Variants in ADAMTS2 observed in about 807,000 individuals in gnomAD.
ADAMTS2 encodes ADAM metallopeptidase with thrombospondin type 1 motif 2, also known as A disintegrin and metalloproteinase with thrombospondin motifs 2.
Under a neutral mutation model 123.0 loss-of-function variants are expected in ADAMTS2, and 50 were observed. That is an observed-to-expected ratio of 0.41 (90% confidence interval 0.32 to 0.51). The LOEUF (loss-of-function observed/expected upper bound fraction) is 0.51, where lower values mean the gene tolerates loss of function less well. ADAMTS2 is among the 20% of genes least tolerant of loss of function. The pLI is 0.35. For missense variants in ADAMTS2, 1,494 were observed against 1,705.2 expected (o/e 0.88, Z 2.18); for synonymous variants, 678 against 695.4 (o/e 0.98, Z 0.39).
chr5:179,194,025 C>G (rs1338937867), intron 4 of ADAMTS2, among the ~76,000 whole-genome samples: 2 of 152,200 alleles, frequency 1.3e-5, no homozygotes, highest in African/African-American at 4.8e-5. Flanking sequence ...GAGGCTGCCT[C>G]AAGCTGTCAT....
At chr5:179,298,967 G>A (rs570431743) in intron 2 of ADAMTS2, among the ~76,000 whole-genome samples, 2 of 152,244 alleles carry the variant, frequency 1.3e-5, no homozygotes, top group South Asian at 4.1e-4. Context: ...ATGACAGTGA[G>A]AATTCAGCAC....
rs928600821 is a variant in ADAMTS2, at chr5:179,118,251, T to C, written c.3178+3410A>G. On this transcript the variant is annotated intron_variant, in intron 21 of 21. Transcript: ENST00000251582. The surrounding 1 kb of genome is among the most constrained non-coding windows in gnomAD (Gnocchi z 4.5). ...ATAGCCTAGAAAAATTTCAAAGTCA[T>C]CATGACCAACTGATCTTAAAGATGC... Among the ~76,000 whole-genome samples, 2 of 152,240 alleles carry C rather than the reference T, an allele frequency of 1.3e-5. No individual in the cohort carries two copies. The highest frequency in any genetic ancestry group is 2.9e-5 in the Non-Finnish European group (2 of 68,038).
intron 2 of ADAMTS2, among the ~76,000 whole-genome samples, chr5:179,278,545 G>A (rs1234479812): frequency 6.6e-6 from 1 of 152,156 alleles, no homozygotes; most frequent in Admixed American, 6.5e-5. Context: ...AAAGCACTCA[G>A]TTGGGAGCCT....
Position 179,130,012 on chromosome 5 carries a change from C to G in ADAMTS2, c.2377G>C (p.Val793Leu). The change falls in exon 16 of 22, where the codon GTG becomes CTG. Residue 793 changes from valine (V) to leucine (L), a missense_variant. Val to Leu is a conservative substitution (Grantham distance 32). Around this residue, in one of 6 missense-constraint regions of ADAMTS2, gnomAD observed 953 missense variants for 1,124.7 expected, o/e 0.85. Coordinates refer to ENST00000251582, the MANE Select transcript of ADAMTS2 (RefSeq NM_014244.5). The surrounding 1 kb of genome is among the most constrained non-coding windows in gnomAD (Gnocchi z 4.3). ...TCCTCGTCTCTGTACTCCCACTCCA[C>G]GCCCATGGCAATGAAGGTTTTGGAA... The part of the protein sequence containing the change: ...ASSKTFIAMG[V>L]EWEYRDEDGR... 1 of 1,614,150 alleles carries G rather than the reference C, an allele frequency of 6.2e-7. No homozygotes were observed. The highest frequency in any genetic ancestry group is 8.5e-7 in the Non-Finnish European group (1 of 1,180,036).
At chr5:179,334,585 G>A (rs535416451) in intron 2 of ADAMTS2, among the ~76,000 whole-genome samples, 3 of 152,220 alleles carry the variant, frequency 2.0e-5, no homozygotes, top group Admixed American at 6.5e-5. Flanking sequence ...ATGAGGATGC[G>A]TGTAGCCACG....
At chr5:179,214,861 C>T (rs1338195569) in intron 3 of ADAMTS2, among the ~76,000 whole-genome samples, 4 of 142,560 alleles carry the variant, frequency 2.8e-5, no homozygotes, top group Non-Finnish European at 6.4e-5. Context: ...AAATAATCTC[C>T]GTCGAATAAT....
At position 179,280,164 on chromosome 5, in the gene ADAMTS2, C is replaced by T. The variant is rs144682378; in HGVS notation, c.535-7100G>A. Among the ~76,000 whole-genome samples, 256 of 152,376 alleles carry T rather than the reference C, an allele frequency of 1.7e-3. 1 individual carries two copies. Among genetic ancestry groups the T allele is most frequent in the African/African-American group, 6.0e-3 (248 of 41,592 alleles). Reference sequence around the variant, plus strand: ...TCCCTGGACCTGGTTTCAGGCCCTACAGACCTTTACTCCAGAAAGTCTCTT... The same window carrying T: ...TCCCTGGACCTGGTTTCAGGCCCTATAGACCTTTACTCCAGAAAGTCTCTT... On this transcript the variant is annotated intron_variant, in intron 2 of 21. Transcript: ENST00000251582.
chr5:179,315,695 G>A (rs1284591873), intron 2 of ADAMTS2, among the ~76,000 whole-genome samples: 1 of 152,224 alleles, frequency 6.6e-6, no homozygotes, highest in Non-Finnish European at 1.5e-5. Flanking sequence ...ACAAAGCACA[G>A]CCCCAGATGG....
intron 2 of ADAMTS2, among the ~76,000 whole-genome samples, chr5:179,338,190 G>T (rs183308964): frequency 6.6e-6 from 1 of 152,158 alleles, no homozygotes; most frequent in Non-Finnish European, 1.5e-5. Context: ...TGACTATGCC[G>T]GCCTTCATGA....
At chr5:179,210,669 C>CTCAG (rs1764828766) in intron 3 of ADAMTS2, among the ~76,000 whole-genome samples, 1 of 152,208 alleles carries the variant, frequency 6.6e-6, no homozygotes, top group South Asian at 2.1e-4. Context: ...CTCAGTGGTG[C>CTCAG]TCAGGCTGGA....
chr5:179,194,396 C>T (rs1006612035), intron 4 of ADAMTS2, among the ~76,000 whole-genome samples: 2 of 152,152 alleles, frequency 1.3e-5, no homozygotes, highest in Non-Finnish European at 2.9e-5. Flanking sequence ...CTGCTCTATC[C>T]GGGTGCACTA....
chr5:179,188,965 C>T lies in ADAMTS2; in HGVS notation c.892-7810G>A, dbSNP rs570700642. Among the ~76,000 whole-genome samples, 3 of 152,264 alleles carry T rather than the reference C, an allele frequency of 2.0e-5. No individual in the cohort carries two copies. Among genetic ancestry groups the T allele is most frequent in the East Asian group, 1.9e-4 (1 of 5,162 alleles). On this transcript the variant is annotated intron_variant, in intron 4 of 21. Transcript: ENST00000251582. The surrounding 1 kb of genome is among the most constrained non-coding windows in gnomAD (Gnocchi z 5.1). ...CGACGGCAAGAGGCTGCCCCTCCCC[C>T]TCTCCTGAATTTGGGGGGTTAGCAG...
At chr5:179,167,440 T>A (rs187297086) in intron 5 of ADAMTS2, among the ~76,000 whole-genome samples, 1 of 152,306 alleles carries the variant, frequency 6.6e-6, no homozygotes, top group East Asian at 1.9e-4. Flanking sequence ...AAAGTTCTGT[T>A]CCAATCGTTG....
At chr5:179,207,471 A>AAC in intron 4 of ADAMTS2, 42 bp downstream of exon 4, 6 of 1,026,468 alleles carry the variant, frequency 5.8e-6, no homozygotes, top group Admixed American at 3.5e-5. Flanking sequence ...CCCCTGGTTG[A>AAC]CCCTCCCCGC....
chr5:179,138,183 C>T (rs915304261), intron 11 of ADAMTS2, among the ~76,000 whole-genome samples: 1 of 152,228 alleles, frequency 6.6e-6, no homozygotes, highest in Non-Finnish European at 1.5e-5. Context: ...CACATCCTCC[C>T]TCCTGGGGTT....
chr5:179,177,413 T>C lies in ADAMTS2; in HGVS notation c.975+3659A>G, dbSNP rs142637445. Among the ~76,000 whole-genome samples, 865 of 152,338 alleles carry C rather than the reference T, an allele frequency of 5.7e-3. 7 individuals are homozygous for C. Among genetic ancestry groups the C allele is most frequent in the South Asian group, 0.026 (125 of 4,826 alleles). On this transcript the variant is annotated intron_variant, in intron 5 of 21. Transcript: ENST00000251582. ...GGCATCTTTGGGTATAAGGGTCCCA[T>C]TGACTACGAAAGACACATTGGGTAG... is the stretch of plus-strand genomic sequence containing the variant.
At chr5:179,142,417 C>T (rs1763186311) in intron 10 of ADAMTS2, among the ~76,000 whole-genome samples, 1 of 152,168 alleles carries the variant, frequency 6.6e-6, no homozygotes, top group South Asian at 2.1e-4. Flanking sequence ...TCCTGAAGGT[C>T]TCAATACACC....
At position 179,137,901 on chromosome 5, in the gene ADAMTS2, A is replaced by G. The variant is rs1238183487; in HGVS notation, c.1819T>C (p.Phe607Leu). 2.6e-6 allele frequency: 4 copies of G among 1,553,888 alleles called. No homozygotes were observed. The highest frequency in any genetic ancestry group is 3.5e-6 in the Non-Finnish European group (4 of 1,150,298). Reference sequence around the variant, plus strand: ...CAGTCCTGGCGGCTGCAGAGCTGGAAGTCGTAGGCAAGGCCCGAGCAGGTG... The same window carrying G: ...CAGTCCTGGCGGCTGCAGAGCTGGAGGTCGTAGGCAAGGCCCGAGCAGGTG... ...GRTCSGLAYD[F>L]QLCSRQDCPD... is the part of the protein sequence containing the mutation. The change falls in exon 12 of 22, where the codon TTC becomes CTC. Residue 607 changes from phenylalanine to leucine, a missense_variant. Coordinates refer to ENST00000251582, the MANE Select transcript of ADAMTS2 (RefSeq NM_014244.5).
At chr5:179,323,499 G>A (rs1757238759) in intron 2 of ADAMTS2, among the ~76,000 whole-genome samples, 1 of 152,236 alleles carries the variant, frequency 6.6e-6, no homozygotes, top group Non-Finnish European at 1.5e-5. Context: ...CACTTGCCAG[G>A]GGCCGTTGGG....
Sources: gnomAD v4.1 joint callset for allele counts (sites outside exome capture counted in the v4.1 genomes callset) on GRCh38, gnomAD v4.1.1 for gene constraint, gnomAD v4.1.1 regional missense constraint, Gnocchi (gnomAD v3.1) non-coding constraint, MANE v1.5 for transcripts, NCBI Gene and HGNC (gene_info 2026-07-23, HGNC 2026-07-21) for gene names.